The following YTHDF2 variants were observed in gnomAD, a reference collection of about 807,000 sequenced individuals.
YTHDF2 encodes the protein YTH domain-containing family protein 2.
In YTHDF2, 2 loss-of-function variants were observed where a neutral mutation model predicts 50.4. The ratio of observed to expected loss-of-function variants is 0.04; its 90% CI spans 0.02 to 0.12. YTHDF2 has a LOEUF of 0.12. YTHDF2 is among the 10% of genes least tolerant of loss of function. The pLI is 1.00. For missense variants in YTHDF2, 483 were observed against 722.6 expected (o/e 0.67, Z 3.80); for synonymous variants, 217 against 255.6 (o/e 0.85, Z 1.44).
chr1:28,763,348 G>A (rs2088162752), intron 4 of YTHDF2, among the ~76,000 whole-genome samples: 1 of 151,840 alleles, frequency 6.6e-6, no homozygotes, highest in Admixed American at 6.6e-5. Flanking sequence ...ACCTTGGCTC[G>A]CTGCAACCTC....
intron 4 of YTHDF2, among the ~76,000 whole-genome samples, chr1:28,746,373 G>C (rs1283749622): frequency 6.6e-6 from 1 of 152,174 alleles, no homozygotes. Context: ...GTTAGGGCCA[G>C]TGGGGAAATA....
chr1:28,737,144 G>GCAGGTA lies in YTHDF2; in HGVS notation c.27+2_27+7dup. ...CCATGTCGGCCAGCAGCCTCTTGGA[G>GCAGGTA]CAGGTACAGGCCCGGCCCGCATGCC... is the stretch of plus-strand genomic sequence containing the variant. On this transcript the variant is annotated inframe_insertion, in exon 1 of 5. Transcript: ENST00000373812. 1 of 1,598,786 alleles carries GCAGGTA rather than the reference G, an allele frequency of 6.3e-7. No homozygotes were observed. The highest frequency in any genetic ancestry group is 8.5e-7 in the Non-Finnish European group (1 of 1,174,666).
chr1:28,748,458 G>C (rs2087897854), intron 4 of YTHDF2, among the ~76,000 whole-genome samples: 1 of 152,196 alleles, frequency 6.6e-6, no homozygotes, highest in South Asian at 2.1e-4. Flanking sequence ...AAGTAGGGAA[G>C]TACTTAAACT....
At chr1:28,738,393 C>T (rs2087727689) in intron 3 of YTHDF2, 55 bp downstream of exon 3, 3 of 1,353,014 alleles carry the variant, frequency 2.2e-6, no homozygotes, top group Admixed American at 2.1e-5. Flanking sequence ...ATTCTTTCTC[C>T]GCCTTCTACC....
At chr1:28,757,176 C>T (rs2088047043) in intron 4 of YTHDF2, among the ~76,000 whole-genome samples, 1 of 152,100 alleles carries the variant, frequency 6.6e-6, no homozygotes. Context: ...GAAAAGATAT[C>T]AAGGAATTAC....
intron 4 of YTHDF2, among the ~76,000 whole-genome samples, chr1:28,754,290 G>C (rs899126727): frequency 1.3e-5 from 2 of 152,206 alleles, no homozygotes; most frequent in African/African-American, 4.8e-5. Context: ...CACTTTGGGA[G>C]GCCAAGGTTG....
chr1:28,765,510 C>CT (rs911952917), intron 4 of YTHDF2, among the ~76,000 whole-genome samples: 19 of 152,250 alleles, frequency 1.2e-4, no homozygotes, highest in Admixed American at 9.2e-4. Flanking sequence ...ACTGTAACCT[C>CT]TAACTCCTGG....
intron 4 of YTHDF2, among the ~76,000 whole-genome samples, chr1:28,746,446 A>G (rs550538173): frequency 4.6e-5 from 7 of 152,254 alleles, no homozygotes; most frequent in African/African-American, 1.7e-4. Context: ...GGGTTTAGAA[A>G]TGGAGTAGCA....
chr1:28,742,063 T>C (rs1166563969), intron 3 of YTHDF2, among the ~76,000 whole-genome samples: 1 of 152,030 alleles, frequency 6.6e-6, no homozygotes, highest in East Asian at 1.9e-4. Context: ...TTTTTTTTCC[T>C]GGAGATGGAG....
Position 28,743,320 on chromosome 1 carries a change from C to T in YTHDF2, c.1050C>T (p.Arg350=), listed in dbSNP as rs556824315. 3 of 1,614,150 alleles carry T rather than the reference C, an allele frequency of 1.9e-6. No homozygotes were observed. The highest frequency in any genetic ancestry group is 3.3e-5 in the Admixed American group (2 of 60,010). ...AGCAACAGGCAGCTCAGCCAACCCGCTGGGTAGCACCTCGGAACCGTGGCA... is the reference window on the plus strand; with the variant it reads ...AGCAACAGGCAGCTCAGCCAACCCGTTGGGTAGCACCTCGGAACCGTGGCA... ...SVQQQAAQPT[R]WVAPRNRGSG... Residue 350 remains arginine (R), a synonymous_variant, in exon 4 of 5, where the codon CGC becomes CGT. Coordinates refer to ENST00000373812, the MANE Select transcript of YTHDF2 (RefSeq NM_016258.3). The surrounding 1 kb of genome is among the most constrained non-coding windows in gnomAD (Gnocchi z 6.9).
chr1:28,737,475 T>A (rs1042482588), intron 1 of YTHDF2, 183 bp from the exon 2 acceptor site: 2 of 807,908 alleles, frequency 2.5e-6, no homozygotes, highest in Non-Finnish European at 3.8e-6. Flanking sequence ...TTTTCTCCCC[T>A]GCCCCACGGG....
chr1:28,759,540 CTGT>C (rs1175981916), intron 4 of YTHDF2, among the ~76,000 whole-genome samples: 2 of 152,200 alleles, frequency 1.3e-5, no homozygotes, highest in African/African-American at 4.8e-5. Context: ...ATGGTATAAT[CTGT>C]TGTTCCTAGG....
At chr1:28,750,977 CAGCT>C (rs1343690503) in intron 4 of YTHDF2, among the ~76,000 whole-genome samples, 4 of 150,054 alleles carry the variant, frequency 2.7e-5, no homozygotes. Context: ...CCTGTAATAC[CAGCT>C]AGTTAGGAGG....
chr1:28,754,189 G>A (rs949183725), intron 4 of YTHDF2, among the ~76,000 whole-genome samples: 1 of 152,108 alleles, frequency 6.6e-6, no homozygotes, highest in African/African-American at 2.4e-5. Context: ...GCAGTATCCT[G>A]TATTTATAGA....
At chr1:28,749,397 G>A (rs1259656692) in intron 4 of YTHDF2, among the ~76,000 whole-genome samples, 3 of 151,918 alleles carry the variant, frequency 2.0e-5, no homozygotes, top group African/African-American at 7.3e-5. Context: ...AGCCAGGATG[G>A]TCTCGATCTC....
chr1:28,765,037 T>C (rs2088196285), intron 4 of YTHDF2, among the ~76,000 whole-genome samples: 1 of 152,036 alleles, frequency 6.6e-6, no homozygotes, highest in Non-Finnish European at 1.5e-5. Flanking sequence ...GGCCCTCTGT[T>C]CCTGGTTTAA....
intron 4 of YTHDF2, among the ~76,000 whole-genome samples, chr1:28,757,149 C>G (rs758293507): frequency 1.3e-5 from 2 of 152,214 alleles, no homozygotes; most frequent in African/African-American, 2.4e-5. Context: ...ACTGATTTAA[C>G]TCCAGTTAGC....
intron 4 of YTHDF2, among the ~76,000 whole-genome samples, chr1:28,745,555 G>A (rs938657290): frequency 2.0e-4 from 31 of 152,118 alleles, no homozygotes; most frequent in Non-Finnish European, 3.7e-4. Context: ...GAGAAACCCC[G>A]TTTCTATTAA....
At chr1:28,761,473 A>G (rs1162243758) in intron 4 of YTHDF2, among the ~76,000 whole-genome samples, 2 of 152,124 alleles carry the variant, frequency 1.3e-5, no homozygotes, top group African/African-American at 4.8e-5. Context: ...GCGGTGGCCC[A>G]TGCCTGTAAT....
Sources: allele counts gnomAD v4.1 joint callset (sites outside exome capture counted in the v4.1 genomes callset), GRCh38; gene constraint gnomAD v4.1.1; non-coding constraint Gnocchi (gnomAD v3.1); transcripts MANE v1.5; gene names NCBI Gene and HGNC (gene_info 2026-07-23, HGNC 2026-07-21).